Variants in UGP2 observed in about 807,000 individuals in gnomAD.
UGP2 encodes UTP--glucose-1-phosphate uridylyltransferase.
A neutral mutation model predicts 49.0 loss-of-function variants in UGP2; 40 were observed. That is an observed-to-expected ratio of 0.82 (90% CI 0.63 to 1.06). UGP2 has a LOEUF of 1.06. UGP2 is among the 50% of genes least tolerant of loss of function. UGP2 has a pLI of 0.00. For missense variants in UGP2, 460 were observed against 603.5 expected, an observed-to-expected ratio of 0.76 and a Z score of 2.49; for synonymous variants, 225 against 213.0, an observed-to-expected ratio of 1.06 and a Z score of -0.49.
chr2:63,888,154 TGGC>T (rs765908346), intron 8 of UGP2: 3 of 154,448 alleles, frequency 1.9e-5, no homozygotes, highest in Non-Finnish European at 2.9e-5. Flanking sequence ...CCTGGGGAGG[TGGC>T]GGGGTGGTGT....
chr2:63,843,106 A>G (rs1284082082), intron 1 of UGP2, among the ~76,000 whole-genome samples: 1 of 152,176 alleles, frequency 6.6e-6, no homozygotes, highest in Admixed American at 6.5e-5. Context: ...ATGTAGGTGT[A>G]CTTTTGGAAA....
At chr2:63,842,624 G>A (rs1671646331) in intron 1 of UGP2, 1 of 1,442,864 alleles carries the variant, frequency 6.9e-7, no homozygotes, top group East Asian at 2.5e-5. Flanking sequence ...GACTGTTGGG[G>A]AAGCTTTAGT....
intron 1 of UGP2, among the ~76,000 whole-genome samples, chr2:63,850,053 T>C (rs1332965662): frequency 6.6e-6 from 1 of 152,200 alleles, no homozygotes; most frequent in Non-Finnish European, 1.5e-5. Flanking sequence ...AACAAAGTGG[T>C]ATTATTTAAC....
At chr2:63,857,705 C>A in intron 2 of UGP2, 124 bp from the exon 3 acceptor site, 1 of 1,022,804 alleles carries the variant, frequency 9.8e-7, no homozygotes, top group Non-Finnish European at 1.5e-6. Flanking sequence ...TTGCTCCCTC[C>A]ATGTCCTAAT....
At chr2:63,890,311 AATT>A (rs1398449076) in intron 9 of UGP2, 126 bp downstream of exon 9, 12 of 634,612 alleles carry the variant, frequency 1.9e-5, no homozygotes, top group African/African-American at 3.7e-5. Flanking sequence ...TTACTAGTGT[AATT>A]ATTTTACTGA....
rs770151710 is a variant in UGP2, at chr2:63,857,846, G to A, written c.165G>A (p.Leu55=). The change falls in exon 3 of 10, where the codon CTG becomes CTA. Residue 55 remains leucine, a synonymous_variant. Transcript: ENST00000337130. ...TTTCACAGCACACCAAAAAAGACCTGGATGGATTTCGGAAGCTATTTCATA... is the reference window on the plus strand; with the variant it reads ...TTTCACAGCACACCAAAAAAGACCTAGATGGATTTCGGAAGCTATTTCATA... ...SHEFEHTKKD[L]DGFRKLFHRF... 2 of 1,613,890 alleles carry A rather than the reference G, an allele frequency of 1.2e-6. No individual in the cohort carries two copies. Among genetic ancestry groups the A allele is most frequent in the Non-Finnish European group, 1.7e-6 (2 of 1,179,944 alleles).
In UGP2 at chr2:63,842,112, G is replaced by C; in HGVS notation, c.-74G>C. The C allele has an allele frequency of 6.5e-7, 1 of 1,527,562 alleles. No homozygotes were observed. The allele number at this position is 1,527,562 out of a possible 1,614,324, so 94.6% of individuals were successfully genotyped here. Reference sequence around the variant, plus strand: ...ATCGGTTGTTAAAGCAGGAGAGGAAGAGAGACCTGCCCTGTAGCGTGACTC... The same window carrying C: ...ATCGGTTGTTAAAGCAGGAGAGGAACAGAGACCTGCCCTGTAGCGTGACTC... On this transcript the variant is annotated 5_prime_UTR_variant, in exon 1 of 10. Transcript: ENST00000337130.
intron 2 of UGP2, chr2:63,857,588 C>T (rs1294160465): frequency 7.4e-6 from 4 of 540,840 alleles, no homozygotes; most frequent in African/African-American, 3.8e-5. Context: ...TGGTCTCAAA[C>T]TCCTGAGCTC....
At chr2:63,841,813 G>C (rs1017398455), upstream of UGP2, 2 of 190,046 alleles carry the variant, frequency 1.1e-5, no homozygotes, top group African/African-American at 2.4e-5. Context: ...GGAGGGCGTG[G>C]GGACTTGGGG....
At chr2:63,857,637 T>C (rs1440024645) in intron 2 of UGP2, 192 bp from the exon 3 acceptor site, 1 of 633,622 alleles carries the variant, frequency 1.6e-6, no homozygotes, top group Admixed American at 2.1e-5. Context: ...AGTGCTGGGA[T>C]TACAGGCATG....
intron 1 of UGP2, among the ~76,000 whole-genome samples, chr2:63,851,502 A>G (rs777962776): frequency 1.3e-5 from 2 of 152,218 alleles, no homozygotes; most frequent in African/African-American, 2.4e-5. Context: ...AAAATGACAG[A>G]AGCAAATCAA....
chr2:63,890,249 A>AG, intron 9 of UGP2, 64 bp downstream of exon 9: 1 of 1,193,446 alleles, frequency 8.4e-7, no homozygotes, highest in East Asian at 2.4e-5. Context: ...TTTTCTAGTC[A>AG]TAAATTTACA....
intron 1 of UGP2, among the ~76,000 whole-genome samples, chr2:63,850,717 C>T (rs1668991978): frequency 6.6e-6 from 1 of 152,104 alleles, no homozygotes; most frequent in African/African-American, 2.4e-5. Flanking sequence ...CTTGAGAAGC[C>T]TTAGGGACTG....
At chr2:63,887,301 A>C in intron 7 of UGP2, 101 bp from the exon 8 acceptor site, 7 of 1,442,902 alleles carry the variant, frequency 4.9e-6, no homozygotes, top group Non-Finnish European at 6.6e-6. Context: ...CCATCAATGG[A>C]TCTCTGAAAT....
chr2:63,880,060 C>G (rs1006312223), intron 3 of UGP2, among the ~76,000 whole-genome samples: 3 of 152,034 alleles, frequency 2.0e-5, no homozygotes, highest in Non-Finnish European at 4.4e-5. Flanking sequence ...AATAATTGGC[C>G]TGGTCCCACT....
Position 63,891,367 on chromosome 2 carries a change from A to AC in UGP2, c.*140_*141insC, listed in dbSNP as rs1672146677. ...TTTTTAAAATAGAGTTTTCTGCAGT[A>AC]TGCTTTTAGTCTAAGAAAAGCACAG... On this transcript the variant is annotated 3_prime_UTR_variant, in exon 10 of 10. Coordinates refer to ENST00000337130, the MANE Select transcript of UGP2 (RefSeq NM_006759.4). The AC allele has an allele frequency of 5.2e-6, 3 of 579,406 alleles. No individual in the cohort carries two copies. Among genetic ancestry groups the AC allele is most frequent in the Admixed American group, 3.8e-5 (1 of 26,266 alleles). The allele number at this position is 579,406 out of a possible 1,614,324, so 35.9% of individuals were successfully genotyped here.
chr2:63,886,653 T>G, intron 7 of UGP2, 115 bp downstream of exon 7: 1 of 1,218,658 alleles, frequency 8.2e-7, no homozygotes, highest in Non-Finnish European at 1.1e-6. Context: ...CACTCCCTTT[T>G]GCCTTTTCAG....
At chr2:63,854,640 G>A (rs1484696742) in intron 1 of UGP2, among the ~76,000 whole-genome samples, 1 of 152,106 alleles carries the variant, frequency 6.6e-6, no homozygotes, top group Non-Finnish European at 1.5e-5. Flanking sequence ...CTTTATTCTT[G>A]AATATTTTTT....
intron 1 of UGP2, among the ~76,000 whole-genome samples, chr2:63,853,457 C>T (rs1056391429): frequency 6.6e-6 from 1 of 151,986 alleles, no homozygotes; most frequent in Non-Finnish European, 1.5e-5. Context: ...AGTCATTTCC[C>T]GATTTAAGAT....
Sources: gnomAD v4.1 joint callset for allele counts (sites outside exome capture counted in the v4.1 genomes callset) on GRCh38, gnomAD v4.1.1 for gene constraint, MANE v1.5 for transcripts, NCBI Gene and HGNC (gene_info 2026-07-23, HGNC 2026-07-21) for gene names.